TOX: variants seen among roughly 807,000 people sequenced by gnomAD.
TOX encodes the protein thymocyte selection associated high mobility group box.
TOX carries 11 observed loss-of-function variants against 53.7 expected under a neutral mutation model. That is an observed-to-expected ratio of 0.20 (90% CI 0.13 to 0.34). The LOEUF (loss-of-function observed/expected upper bound fraction) is 0.34. TOX is among the 10% of genes least tolerant of loss of function. The pLI, the probability that TOX is intolerant of heterozygous loss-of-function variation, is 1.00. For synonymous variants in TOX, 225 were observed against 245.3 expected (o/e 0.92, Z 0.77); for missense variants, 570 against 664.6 (o/e 0.86, Z 1.56).
At chr8:59,035,818 C>T (rs935633748) in intron 1 of TOX, among the ~76,000 whole-genome samples, 8 of 152,228 alleles carry the variant, frequency 5.3e-5, no homozygotes, top group African/African-American at 1.9e-4. Flanking sequence ...CAAAGAAGGA[C>T]AATGACAGCT....
At chr8:59,095,126 C>G (rs564585162) in intron 1 of TOX, among the ~76,000 whole-genome samples, 1 of 152,150 alleles carries the variant, frequency 6.6e-6, no homozygotes, top group Non-Finnish European at 1.5e-5. Context: ...TGATCATATT[C>G]GTATCATTCA....
In TOX at chr8:59,104,809, C is replaced by T. The variant is rs142694137; in HGVS notation, c.102+14077G>A. ...TGGATTTTTGAGGCCAATTGAAATG[C>T]CATCTCCTCCAGGAAGCAACAGGGA... On this transcript the variant is annotated intron_variant, in intron 1 of 8. Transcript: ENST00000361421. Among the ~76,000 whole-genome samples the T allele has an allele frequency of 1.4e-3, 214 of 152,276 alleles. 2 individuals are homozygous for T. Among genetic ancestry groups the T allele is most frequent in the Admixed American group, 7.8e-3 (120 of 15,290 alleles).
rs1183547944 is a variant in TOX, at chr8:59,070,919, T to C, written c.102+47967A>G. Reference sequence around the variant, plus strand: ...CCGAACAAAAGCAATTATTTAAAAATAAACCCCTGTACGATAGAGAAATGA... The same window carrying C: ...CCGAACAAAAGCAATTATTTAAAAACAAACCCCTGTACGATAGAGAAATGA... On this transcript the variant is annotated intron_variant, in intron 1 of 8. Coordinates refer to ENST00000361421, the MANE Select transcript of TOX (RefSeq NM_014729.3). 2.0e-5 allele frequency among the ~76,000 whole-genome samples: 3 copies of C among 152,064 alleles called. No individual in the cohort carries two copies. In the East Asian group the frequency reaches 5.8e-4, roughly 29 times the overall value.
intron 3 of TOX, among the ~76,000 whole-genome samples, chr8:58,887,962 C>T (rs1050875737): frequency 6.6e-6 from 1 of 152,038 alleles, no homozygotes; most frequent in Non-Finnish European, 1.5e-5. Flanking sequence ...AATGTACTTA[C>T]ACAAAGCTAG....
chr8:58,990,560 T>C (rs968934379), intron 1 of TOX, among the ~76,000 whole-genome samples: 2 of 152,092 alleles, frequency 1.3e-5, no homozygotes, highest in African/African-American at 4.8e-5. Context: ...CTACATATCA[T>C]ACTTGAAGGA....
chr8:59,027,500 T>C (rs186509983), intron 1 of TOX, among the ~76,000 whole-genome samples: 10 of 152,192 alleles, frequency 6.6e-5, no homozygotes, highest in Admixed American at 6.5e-4. Context: ...CATGAAAATG[T>C]TTTCTTTTTA....
rs769478303 is a variant in TOX, at chr8:58,807,737, G to A, written c.*10C>T. 1.1e-5 allele frequency: 18 copies of A among 1,613,906 alleles called. No homozygotes were observed. The highest frequency in any genetic ancestry group is 9.9e-5 in the South Asian group (9 of 91,082). ...GAATTCCTCAGTGGAAAGAAGAGGT[G>A]TTCAGATTCTCAAGTAAGGTACAGT... On this transcript the variant is annotated 3_prime_UTR_variant, in exon 9 of 9. Coordinates refer to ENST00000361421, the MANE Select transcript of TOX (RefSeq NM_014729.3).
At chr8:58,919,243 G>A (rs1318231510) in intron 3 of TOX, among the ~76,000 whole-genome samples, 54 of 125,546 alleles carry the variant, frequency 4.3e-4, no homozygotes, top group African/African-American at 1.5e-3. Context: ...AGCCCGCATC[G>A]CCAAGTCAAT....
rs16924184 is a variant in TOX, at chr8:58,881,875, G to A, written c.412-30070C>T. Among the ~76,000 whole-genome samples, 1,361 of 152,300 alleles carry A rather than the reference G, an allele frequency of 8.9e-3. 87 individuals carry two copies. In the East Asian group the frequency reaches 0.12, roughly 14 times the overall value. ...ATTACACATCATCTCAAACTACCCT[G>A]TAAGATGGATAGGGAAGGCATAATA... On this transcript the variant is annotated intron_variant, in intron 3 of 8. Transcript: ENST00000361421.
At chr8:59,089,733 C>A (rs76752579) in intron 1 of TOX, among the ~76,000 whole-genome samples, 11,575 of 152,316 alleles carry the variant, frequency 0.076, 787 homozygotes, top group East Asian at 0.24. Context: ...GGATCACAGG[C>A]ATGCATCTCC....
At chr8:58,879,485 C>T (rs552807628) in intron 3 of TOX, among the ~76,000 whole-genome samples, 9 of 152,170 alleles carry the variant, frequency 5.9e-5, no homozygotes, top group African/African-American at 1.4e-4. Flanking sequence ...CAAAAGAAAT[C>T]ACCTAATTTG....
chr8:58,993,179 T>C (rs1423983568), intron 1 of TOX, among the ~76,000 whole-genome samples: 2 of 152,186 alleles, frequency 1.3e-5, no homozygotes, highest in Non-Finnish European at 2.9e-5. Flanking sequence ...AAGGGTTTCC[T>C]AGCAATGAGG....
chr8:59,046,320 TAAATA>T (rs1193229443), intron 1 of TOX, among the ~76,000 whole-genome samples: 1 of 152,208 alleles, frequency 6.6e-6, no homozygotes, highest in Non-Finnish European at 1.5e-5. Context: ...TTCTATAAAT[TAAATA>T]TTTAATGGGG....
intron 2 of TOX, among the ~76,000 whole-genome samples, chr8:58,953,844 C>T (rs1812665841): frequency 1.3e-5 from 2 of 151,904 alleles, no homozygotes; most frequent in Non-Finnish European, 2.9e-5. Flanking sequence ...GACGTTATGG[C>T]CCACAGTAAA....
chr8:58,837,544 A>C lies in TOX; in HGVS notation c.924+537T>G, dbSNP rs1163140592. 2.6e-5 allele frequency among the ~76,000 whole-genome samples: 4 copies of C among 152,192 alleles called. 1 individual carries two copies. The highest frequency in any genetic ancestry group is 2.9e-5 in the Non-Finnish European group (2 of 68,028). ...ACCAGGGCAATACATGAGAGAAGGA[A>C]AAAACCAGGCATCTGGTCCCATTTA... On this transcript the variant is annotated intron_variant, in intron 5 of 8. Transcript: ENST00000361421.
intron 2 of TOX, among the ~76,000 whole-genome samples, chr8:58,942,707 TTTAAC>T (rs1186114137): frequency 6.6e-6 from 1 of 152,218 alleles, no homozygotes; most frequent in Non-Finnish European, 1.5e-5. Flanking sequence ...TAAAGATACA[TTTAAC>T]TTAACAATAG....
chr8:58,861,686 A>G (rs998853087), intron 3 of TOX, among the ~76,000 whole-genome samples: 1 of 152,230 alleles, frequency 6.6e-6, no homozygotes, highest in African/African-American at 2.4e-5. Context: ...GTCTGGGAGT[A>G]GCGGATCACT....
chr8:58,986,134 C>T (rs542220749), intron 1 of TOX, among the ~76,000 whole-genome samples: 78 of 150,320 alleles, frequency 5.2e-4, no homozygotes, highest in African/African-American at 1.7e-3. Context: ...TACTTAAGGT[C>T]GTCACTTAAA....
chr8:58,828,103 C>T (rs1810394614), intron 5 of TOX, among the ~76,000 whole-genome samples: 1 of 152,176 alleles, frequency 6.6e-6, no homozygotes, highest in African/African-American at 2.4e-5. Flanking sequence ...TGTCTAAAGA[C>T]CAAATATCTG....
Sources: allele counts gnomAD v4.1 joint callset (sites outside exome capture counted in the v4.1 genomes callset), GRCh38; gene constraint gnomAD v4.1.1; transcripts MANE v1.5; gene names NCBI Gene and HGNC (gene_info 2026-07-23, HGNC 2026-07-21).